DIP2B: variants seen among roughly 807,000 people sequenced by gnomAD.
DIP2B encodes the protein DIP2 acetate--CoA ligase B (putative).
DIP2B carries 76 observed loss-of-function variants against 198.0 expected under a neutral mutation model. That is an observed-to-expected ratio of 0.38 (90% CI 0.32 to 0.46). The LOEUF is 0.46. Among genes scored for constraint, DIP2B ranks in the 20% least tolerant of loss-of-function variants. The pLI is 0.99. For missense variants in DIP2B, 1,559 were observed against 1,978.4 expected (o/e 0.79, Z 4.02); for synonymous variants, 701 against 739.1 (o/e 0.95, Z 0.84).
intron 1 of DIP2B, among the ~76,000 whole-genome samples, chr12:50,508,000 T>C (rs1193155576): frequency 6.6e-6 from 1 of 152,204 alleles, no homozygotes; most frequent in Non-Finnish European, 1.5e-5. Flanking sequence ...TTCTTTGTGC[T>C]TGCCTGTATT....
At chr12:50,614,554 G>A (rs1056546439) in intron 1 of DIP2B, among the ~76,000 whole-genome samples, 3 of 152,124 alleles carry the variant, frequency 2.0e-5, no homozygotes, top group African/African-American at 7.2e-5. Flanking sequence ...ATGTAACAGT[G>A]CCAGACAAAT....
chr12:50,588,989 C>G (rs2139427223), intron 1 of DIP2B, among the ~76,000 whole-genome samples: 1 of 151,932 alleles, frequency 6.6e-6, no homozygotes, highest in Middle Eastern at 3.4e-3. Context: ...TCGAGACCAT[C>G]CTGGCTAACA....
At chr12:50,656,840 G>T (rs1178157392) in intron 3 of DIP2B, 1 of 152,028 alleles carries the variant, frequency 6.6e-6, no homozygotes, top group Non-Finnish European at 1.5e-5. Context: ...CCAAAGTGCT[G>T]GAATTACAGG....
intron 1 of DIP2B, among the ~76,000 whole-genome samples, chr12:50,608,308 TA>T (rs1348172970): frequency 1.3e-5 from 2 of 152,168 alleles, no homozygotes; most frequent in Admixed American, 1.3e-4. Flanking sequence ...GCTGAAAACT[TA>T]CGTGGAAACA....
chr12:50,534,763 A>C (rs1958249022), intron 1 of DIP2B, among the ~76,000 whole-genome samples: 1 of 152,112 alleles, frequency 6.6e-6, no homozygotes, highest in Non-Finnish European at 1.5e-5. Context: ...TTTGGGTTTC[A>C]CTTCTGTTTA....
At chr12:50,662,676 A>G (rs1016535149) in intron 4 of DIP2B, among the ~76,000 whole-genome samples, 1 of 152,202 alleles carries the variant, frequency 6.6e-6, no homozygotes, top group Admixed American at 6.5e-5. Context: ...TTTATCTCGC[A>G]TATGTACTCT....
chr12:50,704,440 CT>C (rs1480274939), intron 20 of DIP2B, among the ~76,000 whole-genome samples: 5 of 152,124 alleles, frequency 3.3e-5, no homozygotes, highest in Non-Finnish European at 7.4e-5. Flanking sequence ...TTTTTATTTT[CT>C]TTTTTTCCCC....
intron 1 of DIP2B, among the ~76,000 whole-genome samples, chr12:50,506,198 C>CA (rs1016595001): frequency 2.4e-4 from 36 of 152,178 alleles, no homozygotes; most frequent in Middle Eastern, 6.8e-3. Context: ...GCCCCTGAGA[C>CA]AAAAGCAGCA....
At chr12:50,511,665 T>G (rs1317274314) in intron 1 of DIP2B, among the ~76,000 whole-genome samples, 2 of 151,324 alleles carry the variant, frequency 1.3e-5, no homozygotes, top group Non-Finnish European at 2.9e-5. Context: ...AAAGTAGAAA[T>G]GAGGCCAGGC....
intron 3 of DIP2B, among the ~76,000 whole-genome samples, chr12:50,651,160 TGCCCATTTAGAAACTTGGGTTAA>T (rs1938445788): frequency 6.6e-6 from 1 of 152,226 alleles, no homozygotes. Context: ...TCAAGTTCTT[TGCCCATTTAGAAACTTGGGTTAA>T]TTTTTTTTGT....
At chr12:50,643,660 C>T (rs1387720266) in intron 3 of DIP2B, among the ~76,000 whole-genome samples, 2 of 152,012 alleles carry the variant, frequency 1.3e-5, no homozygotes, top group Non-Finnish European at 2.9e-5. Context: ...CGAAAGAAAG[C>T]TCAGGATGTG....
chr12:50,527,173 A>AT (rs995258039), intron 1 of DIP2B, among the ~76,000 whole-genome samples: 7 of 152,246 alleles, frequency 4.6e-5, no homozygotes, highest in African/African-American at 1.7e-4. Flanking sequence ...AAGTGAAATA[A>AT]TTAGCCATAT....
At chr12:50,620,649 A>G (rs1404398578) in intron 1 of DIP2B, among the ~76,000 whole-genome samples, 1 of 152,192 alleles carries the variant, frequency 6.6e-6, no homozygotes, top group African/African-American at 2.4e-5. Flanking sequence ...AAAAAACTTG[A>G]ACAACAGGTT....
chr12:50,719,563 T>G (rs1408093661), intron 25 of DIP2B, among the ~76,000 whole-genome samples: 1 of 152,138 alleles, frequency 6.6e-6, no homozygotes, highest in Admixed American at 6.5e-5. Context: ...ATTTTAGGAC[T>G]GGGCACAGTG....
In DIP2B at chr12:50,744,780, C is replaced by T. The variant is rs371061447; in HGVS notation, c.4672C>T (p.Leu1558Phe). The change falls in exon 38 of 38, where the codon CTC (leucine) becomes TTC (phenylalanine). Residue 1558 changes from leucine to phenylalanine, a missense_variant. By Grantham distance (22) the Leu-to-Phe change is conservative. Coordinates refer to ENST00000301180, the MANE Select transcript of DIP2B (RefSeq NM_173602.3). The part of the protein sequence containing the change: ...NSRGEKQRMH[L>F]RDSFLADQLD... ...CAGAGGAGAGAAGCAGAGGATGCAC[C>T]TCCGTGATAGCTTCCTAGCTGACCA... The T allele has an allele frequency of 2.8e-5, 45 of 1,614,044 alleles. No homozygotes were observed. Among genetic ancestry groups the T allele is most frequent in the Non-Finnish European group, 3.2e-5 (38 of 1,180,050 alleles).
In DIP2B at chr12:50,748,508, A is replaced by T. The variant is rs1472014816; in HGVS notation, c.*3669A>T. 4 of 152,676 alleles carry T rather than the reference A, an allele frequency of 2.6e-5. No individual in the cohort carries two copies. The highest frequency in any genetic ancestry group is 5.9e-5 in the Non-Finnish European group (4 of 68,044). The allele number at this position is 152,676 out of a possible 1,614,324, so 9.5% of individuals were successfully genotyped here. A position where few individuals can be genotyped will look rare whatever the true frequency, so the allele number is the denominator to read the frequency against. On this transcript the variant is annotated 3_prime_UTR_variant, in exon 38 of 38. Coordinates refer to ENST00000301180, the MANE Select transcript of DIP2B (RefSeq NM_173602.3). Reference sequence around the variant, plus strand: ...TATTTACCCGTGTCAAATTCAAACTACAGTACTGTGTAATTATGTATAAAG... The same window carrying T: ...TATTTACCCGTGTCAAATTCAAACTTCAGTACTGTGTAATTATGTATAAAG...
At chr12:50,586,403 TG>T (rs1211446389) in intron 1 of DIP2B, among the ~76,000 whole-genome samples, 2 of 152,120 alleles carry the variant, frequency 1.3e-5, no homozygotes, top group Non-Finnish European at 2.9e-5. Context: ...CAAAAAGTGA[TG>T]GGACTTTCCC....
rs374550968 is a variant in DIP2B at position 50,698,223 on chromosome 12, G to T, written c.2049-105G>T. On this transcript the variant is annotated intron_variant, in intron 17 of 37. Transcript: ENST00000301180. ...GCATATTTTTGGGAGAGAAAATGGA[G>T]AATTTTTTTGGTATTGTAGCCAGAG... 1.2e-5 allele frequency: 17 copies of T among 1,403,824 alleles called. No individual in the cohort carries two copies. The East Asian group carries it at 3.1e-4, about 25-fold the overall frequency. The allele number at this position is 1,403,824 out of a possible 1,614,324, so 87.0% of individuals were successfully genotyped here. A position where few individuals can be genotyped will look rare whatever the true frequency, so the allele number is the denominator to read the frequency against.
At chr12:50,602,358 C>T (rs574680791) in intron 1 of DIP2B, among the ~76,000 whole-genome samples, 1 of 152,128 alleles carries the variant, frequency 6.6e-6, no homozygotes, top group Admixed American at 6.6e-5. Flanking sequence ...AGTCTCTGCC[C>T]CTGGGACTCA....
Sources: gnomAD v4.1 joint callset for allele counts (sites outside exome capture counted in the v4.1 genomes callset) on GRCh38, gnomAD v4.1.1 for gene constraint, MANE v1.5 for transcripts, NCBI Gene and HGNC (gene_info 2026-07-23, HGNC 2026-07-21) for gene names.